Variants in PARD3B observed in about 807,000 individuals in gnomAD.
PARD3B encodes par-3 family cell polarity regulator beta.
PARD3B carries 103 observed loss-of-function variants against 130.2 expected under a neutral mutation model. That is an observed-to-expected ratio of 0.79 (90% CI 0.67 to 0.93). PARD3B has a LOEUF of 0.93. Among genes scored for constraint, PARD3B ranks in the 40% least tolerant of loss-of-function variants. The pLI, the probability that PARD3B is intolerant of heterozygous loss-of-function variation, is 0.00. For missense variants in PARD3B, 1,609 were observed against 1,499.2 expected (o/e 1.07, Z -1.21); for synonymous variants, 583 against 553.2 (o/e 1.05, Z -0.76).
In PARD3B at chr2:205,200,253, A is replaced by G. The variant is rs112934576; in HGVS notation, c.2140+6933A>G. On this transcript the variant is annotated intron_variant, in intron 15 of 22. Transcript: ENST00000406610. Reference sequence around the variant, plus strand: ...TGGAGAAAATTAAATAACATATACCATAAAACGACATCTTTATTGTGTTCT... The same window carrying G: ...TGGAGAAAATTAAATAACATATACCGTAAAACGACATCTTTATTGTGTTCT... 7.7e-3 allele frequency among the ~76,000 whole-genome samples: 1,179 copies of G among 152,320 alleles called. 16 individuals carry two copies. The highest frequency in any genetic ancestry group is 0.014 in the Middle Eastern group (4 of 294).
chr2:204,864,199 C>T (rs1415964604), intron 2 of PARD3B, among the ~76,000 whole-genome samples: 1 of 152,160 alleles, frequency 6.6e-6, no homozygotes, highest in African/African-American at 2.4e-5. Context: ...TACTTCTGTC[C>T]TTGCCCTGCC....
intron 2 of PARD3B, among the ~76,000 whole-genome samples, chr2:204,945,297 T>A (rs541763700): frequency 6.6e-6 from 1 of 152,290 alleles, no homozygotes; most frequent in East Asian, 1.9e-4. Flanking sequence ...ATTGGGGTCA[T>A]TGATTGGTTC....
At chr2:205,219,206 C>A (rs1464134386) in intron 15 of PARD3B, among the ~76,000 whole-genome samples, 2 of 152,088 alleles carry the variant, frequency 1.3e-5, no homozygotes, top group Non-Finnish European at 2.9e-5. Context: ...TCAATACTTT[C>A]CAAAAAGCTA....
rs941124626 is a variant in PARD3B, at chr2:205,146,637, C to A, written c.1435-12085C>A. ...CTGCACTCCAGCCTGGGCGACAGAG[C>A]GAGACTCCGCCTCAAAAAAAAAAAT... On this transcript the variant is annotated intron_variant, in intron 10 of 22. Coordinates refer to ENST00000406610, the MANE Select transcript of PARD3B (RefSeq NM_001302769.2). This position sits in a 1 kb window ranked among gnomAD's most constrained non-coding sequence, Gnocchi z 4.3. 6.6e-6 allele frequency among the ~76,000 whole-genome samples: 1 copy of A among 151,620 alleles called. No homozygotes were observed. The highest frequency in any genetic ancestry group is 1.5e-5 in the Non-Finnish European group (1 of 67,924).
At chr2:204,722,178 A>G (rs1312784210) in intron 2 of PARD3B, among the ~76,000 whole-genome samples, 2 of 152,206 alleles carry the variant, frequency 1.3e-5, no homozygotes, top group Non-Finnish European at 2.9e-5. Context: ...AAAGAGATTG[A>G]AATAAACTTT....
At chr2:205,170,570 G>A (rs144648854) in intron 11 of PARD3B, among the ~76,000 whole-genome samples, 4 of 152,166 alleles carry the variant, frequency 2.6e-5, no homozygotes, top group Non-Finnish European at 4.4e-5. Flanking sequence ...TCCAGCAGGC[G>A]GCGTGGGCAG....
chr2:205,302,976 A>G (rs780713535), intron 18 of PARD3B, among the ~76,000 whole-genome samples: 44 of 152,234 alleles, frequency 2.9e-4, no homozygotes, highest in Middle Eastern at 3.4e-3. Context: ...CAGTCAGAAA[A>G]CAGCTTTGTT....
intron 16 of PARD3B, 86 bp downstream of exon 16, chr2:205,245,908 C>T: frequency 9.1e-7 from 1 of 1,102,358 alleles, no homozygotes; most frequent in South Asian, 1.3e-5. Flanking sequence ...TGTTTCTATC[C>T]ACTAGTCACT....
At chr2:205,221,538 G>T (rs1251704816) in intron 15 of PARD3B, among the ~76,000 whole-genome samples, 1 of 152,138 alleles carries the variant, frequency 6.6e-6, no homozygotes, top group African/African-American at 2.4e-5. Flanking sequence ...GTCCTAGGGT[G>T]CTCCATGCTG....
At chr2:205,445,330 C>T (rs185506030) in intron 20 of PARD3B, among the ~76,000 whole-genome samples, 4 of 152,320 alleles carry the variant, frequency 2.6e-5, no homozygotes, top group Admixed American at 6.5e-5. Flanking sequence ...AATGAGATAC[C>T]TGTGACTGGG....
chr2:205,337,134 T>C (rs1234787433), intron 18 of PARD3B, among the ~76,000 whole-genome samples: 1 of 152,236 alleles, frequency 6.6e-6, no homozygotes, highest in Non-Finnish European at 1.5e-5. Context: ...ATTCCAAATT[T>C]AGCAGAAATT....
intron 3 of PARD3B, among the ~76,000 whole-genome samples, chr2:204,997,714 C>T (rs1485121585): frequency 3.3e-5 from 5 of 151,708 alleles, no homozygotes; most frequent in African/African-American, 1.2e-4. Flanking sequence ...TTATACTTGT[C>T]CTTCTTGCAT....
At chr2:204,863,821 C>G (rs761716457) in intron 2 of PARD3B, among the ~76,000 whole-genome samples, 88 of 152,274 alleles carry the variant, frequency 5.8e-4, no homozygotes, top group Non-Finnish European at 1.1e-3. Context: ...AAGTCTTTGA[C>G]TTTTCCCACA....
At chr2:204,574,182 T>C (rs886964408) in intron 1 of PARD3B, among the ~76,000 whole-genome samples, 1 of 152,206 alleles carries the variant, frequency 6.6e-6, no homozygotes, top group Non-Finnish European at 1.5e-5. Context: ...AACCATGATA[T>C]CAGAAAGATG....
Position 204,823,253 on chromosome 2 carries a change from CTTA to C in PARD3B, c.222+136977_222+136979del, listed in dbSNP as rs535788607. On this transcript the variant is annotated intron_variant, in intron 2 of 22. Coordinates refer to ENST00000406610, the MANE Select transcript of PARD3B (RefSeq NM_001302769.2). ...ATTTAGGAACTGTTATGGACTGCCA[CTTA>C]TTATTTTATTGAAAAAATAAGTGTC... 6.3e-3 allele frequency among the ~76,000 whole-genome samples: 952 copies of C among 152,034 alleles called. 2 individuals are homozygous for C. Among genetic ancestry groups the C allele is most frequent in the Non-Finnish European group, 0.011 (732 of 67,986 alleles).
intron 2 of PARD3B, among the ~76,000 whole-genome samples, chr2:204,898,738 A>T (rs1318207267): frequency 1.3e-5 from 2 of 152,192 alleles, no homozygotes; most frequent in Non-Finnish European, 2.9e-5. Flanking sequence ...AGTAGCTATT[A>T]TTGTAATGGG....
chr2:204,595,325 G>C (rs958148345), intron 1 of PARD3B, among the ~76,000 whole-genome samples: 4 of 152,224 alleles, frequency 2.6e-5, no homozygotes, highest in African/African-American at 9.7e-5. Context: ...TGGACCTCAT[G>C]ATGAGGCCAA....
chr2:204,700,819 A>G (rs2037855564), intron 2 of PARD3B, among the ~76,000 whole-genome samples: 1 of 152,146 alleles, frequency 6.6e-6, no homozygotes, highest in Non-Finnish European at 1.5e-5. Flanking sequence ...ATTTTTGAAT[A>G]AGAGGCACTT....
intron 2 of PARD3B, among the ~76,000 whole-genome samples, chr2:204,703,203 A>G (rs1378948684): frequency 1.3e-5 from 2 of 152,206 alleles, no homozygotes; most frequent in African/African-American, 2.4e-5. Flanking sequence ...ACTCAAACTC[A>G]GATCTGTCAG....
Sources: allele counts gnomAD v4.1 joint callset (sites outside exome capture counted in the v4.1 genomes callset), GRCh38; gene constraint gnomAD v4.1.1; non-coding constraint Gnocchi (gnomAD v3.1); transcripts MANE v1.5; gene names NCBI Gene and HGNC (gene_info 2026-07-23, HGNC 2026-07-21).